The following CHD9 variants were observed in gnomAD, a reference collection of about 807,000 sequenced individuals.
The protein encoded by CHD9 is chromodomain helicase DNA binding protein 9.
Under a neutral mutation model 316.1 loss-of-function variants are expected in CHD9, and 77 were observed. That is an observed-to-expected ratio of 0.24 (90% CI 0.20 to 0.29). The LOEUF (loss-of-function observed/expected upper bound fraction) is 0.29, where lower values mean the gene tolerates loss of function less well. Among genes scored for constraint, CHD9 ranks in the 10% least tolerant of loss-of-function variants. The pLI is 1.00. For synonymous variants in CHD9, 1,129 were observed against 1,158.3 expected, an observed-to-expected ratio of 0.97 and a Z score of 0.51; for missense variants, 2,763 against 3,438.1, an observed-to-expected ratio of 0.80 and a Z score of 4.91.
chr16:53,213,007 C>G (rs1056330657), intron 3 of CHD9, among the ~76,000 whole-genome samples: 4 of 152,184 alleles, frequency 2.6e-5, no homozygotes, highest in African/African-American at 9.6e-5. Context: ...AGCCACACCC[C>G]TTCCTTCAAG....
intron 1 of CHD9, among the ~76,000 whole-genome samples, chr16:53,136,654 G>A (rs1256760857): frequency 2.6e-5 from 4 of 152,044 alleles, no homozygotes; most frequent in Non-Finnish European, 5.9e-5. Flanking sequence ...GAGTTGCCCG[G>A]GGTTTCTAAT....
chr16:53,103,562 G>A (rs1044075009), intron 1 of CHD9, among the ~76,000 whole-genome samples: 39 of 152,262 alleles, frequency 2.6e-4, no homozygotes, highest in African/African-American at 8.9e-4. Context: ...AATAGGGAGC[G>A]TTAACCTCAT....
intron 2 of CHD9, among the ~76,000 whole-genome samples, chr16:53,192,559 A>C: frequency 6.6e-6 from 1 of 152,284 alleles, no homozygotes; most frequent in South Asian, 2.1e-4. Context: ...GTTTTGAAAA[A>C]TGTGCACAGT....
chr16:53,268,835 C>G (rs1313053087), intron 22 of CHD9, among the ~76,000 whole-genome samples: 1 of 152,094 alleles, frequency 6.6e-6, no homozygotes, highest in Non-Finnish European at 1.5e-5. Flanking sequence ...CAGGATTTTG[C>G]TCTGTCCCCC....
intron 17 of CHD9, among the ~76,000 whole-genome samples, chr16:53,250,841 C>A (rs2050070550): frequency 6.6e-6 from 1 of 151,566 alleles, no homozygotes; most frequent in Admixed American, 6.6e-5. Context: ...TAAAACTAGT[C>A]AAGTGTAGTC....
chr16:53,065,738 A>G (rs1253118518), intron 1 of CHD9, among the ~76,000 whole-genome samples: 16 of 151,016 alleles, frequency 1.1e-4, no homozygotes, highest in African/African-American at 3.9e-4. Context: ...AGTTTCCACT[A>G]CTCTGGACAA....
rs755744225 is a variant in CHD9 at position 53,326,897 on chromosome 16, T to A, written c.*2002T>A. On this transcript the variant is annotated 3_prime_UTR_variant, in exon 39 of 39. Transcript: ENST00000447540. ...AAAAAAAAAAAAAGGAAAAAAAATCTGTAGATCTTGTCACTAAAATCTAAT... is the reference window on the plus strand; with the variant it reads ...AAAAAAAAAAAAAGGAAAAAAAATCAGTAGATCTTGTCACTAAAATCTAAT... 4 of 151,930 alleles carry A rather than the reference T, an allele frequency of 2.6e-5. No individual in the cohort carries two copies. Among genetic ancestry groups the A allele is most frequent in the Non-Finnish European group, 5.9e-5 (4 of 67,804 alleles). 9.4% of individuals were successfully genotyped at this position (151,930 alleles called of 1,614,324 possible). A position where few individuals can be genotyped will look rare whatever the true frequency, so the allele number is the denominator to read the frequency against.
chr16:53,231,683 C>T lies in CHD9; in HGVS notation c.2410C>T (p.Pro804Ser). Reference protein sequence around the residue: ...IYYLVKWCSLPYEDSTWELKE... With the variant: ...IYYLVKWCSLSYEDSTWELKE... ...CTACTTAGTAAAATGGTGCTCATTGCCATATGAAGATAGTACTTGGGAACT... is the reference window on the plus strand; with the variant it reads ...CTACTTAGTAAAATGGTGCTCATTGTCATATGAAGATAGTACTTGGGAACT... The change falls in exon 10 of 39, where the codon CCA becomes TCA. Residue 804 changes from proline to serine, a missense_variant. This residue lies in a region of CHD9 where 186 missense variants were observed against 245.0 expected (regional missense o/e 0.76). Transcript: ENST00000447540. 6.2e-7 allele frequency: 1 copy of T among 1,603,818 alleles called. No homozygotes were observed. Among genetic ancestry groups the T allele is most frequent in the South Asian group, 1.1e-5 (1 of 90,202 alleles).
intron 4 of CHD9, among the ~76,000 whole-genome samples, chr16:53,224,045 G>C (rs1377221368): frequency 6.6e-6 from 1 of 152,038 alleles, no homozygotes; most frequent in African/African-American, 2.4e-5. Flanking sequence ...ATACTATTAG[G>C]AATATTATAG....
Position 53,157,398 on chromosome 16 carries a change from G to T in CHD9, c.1309G>T (p.Asp437Tyr), listed in dbSNP as rs373721040. The T allele has an allele frequency of 8.7e-6, 14 of 1,613,838 alleles. No individual in the cohort carries two copies. The highest frequency in any genetic ancestry group is 1.1e-5 in the Non-Finnish European group (13 of 1,179,876). The change falls in exon 2 of 39, where the codon GAT (aspartate) becomes TAT (tyrosine). Residue 437 changes from aspartate to tyrosine, a missense_variant. Transcript: ENST00000447540. ...AAGTCACATTTTAGATCATGACCTT[G>T]ATCGGCAGTTTACTTCGCATCTGGT... The part of the protein sequence containing the change: ...NSSHILDHDL[D>Y]RQFTSHLVTR...
chr16:53,125,647 TA>T lies in CHD9; in HGVS notation c.-164-30277del, dbSNP rs2038940180. Among the ~76,000 whole-genome samples, 7 of 152,334 alleles carry T rather than the reference TA, an allele frequency of 4.6e-5. No individual in the cohort carries two copies. In the South Asian group the frequency reaches 1.4e-3, roughly 32 times the overall value. ...TCCCAGGCTAGAGATATATAGTAGA[TA>T]ATCTCTCATGATGGCTTAGCTTTCA... On this transcript the variant is annotated intron_variant, in intron 1 of 38. Coordinates refer to ENST00000447540, the MANE Select transcript of CHD9 (RefSeq NM_001308319.2).
chr16:53,219,099 C>T (rs1223618300), intron 3 of CHD9, among the ~76,000 whole-genome samples: 1 of 152,062 alleles, frequency 6.6e-6, no homozygotes, highest in African/African-American at 2.4e-5. Flanking sequence ...AAGCTGGCTA[C>T]ACAGATATTT....
chr16:53,323,960 C>A (rs2057428498), intron 38 of CHD9, 60 bp from the exon 39 acceptor site: 3 of 1,352,946 alleles, frequency 2.2e-6, no homozygotes, highest in East Asian at 2.3e-5. Flanking sequence ...GTATGATAAG[C>A]TAATAACTCT....
At chr16:53,320,577 G>A (rs2057208831) in intron 37 of CHD9, among the ~76,000 whole-genome samples, 1 of 152,058 alleles carries the variant, frequency 6.6e-6, no homozygotes, top group Non-Finnish European at 1.5e-5. Context: ...AACCTTATCT[G>A]TATCCTATCA....
At chr16:53,220,464 G>A (rs1413328765) in intron 3 of CHD9, among the ~76,000 whole-genome samples, 3 of 152,032 alleles carry the variant, frequency 2.0e-5, no homozygotes, top group African/African-American at 7.2e-5. Flanking sequence ...CATTCCCACA[G>A]CCCTAGATTA....
intron 8 of CHD9, among the ~76,000 whole-genome samples, chr16:53,229,966 G>GT: frequency 6.6e-6 from 1 of 152,182 alleles, no homozygotes; most frequent in Non-Finnish European, 1.5e-5. Flanking sequence ...GTATGTGTGT[G>GT]TGTGTGTTTA....
intron 3 of CHD9, among the ~76,000 whole-genome samples, chr16:53,214,265 G>C (rs2046563960): frequency 6.6e-6 from 1 of 152,010 alleles, no homozygotes; most frequent in Non-Finnish European, 1.5e-5. Flanking sequence ...GGAAAAATAA[G>C]ATGAACAAAA....
chr16:53,288,025 G>A lies in CHD9; in HGVS notation c.5247+11G>A, dbSNP rs755890710. 2 of 1,593,172 alleles carry A rather than the reference G, an allele frequency of 1.3e-6. No individual in the cohort carries two copies. Among genetic ancestry groups the A allele is most frequent in the South Asian group, 2.2e-5 (2 of 90,346 alleles). On this transcript the variant is annotated intron_variant, in intron 27 of 38. Transcript: ENST00000447540. ...AAAGATGATATAGAGGTATGCATTG[G>A]ATCATATTTTTAAATCCTCAATTTT...
intron 2 of CHD9, among the ~76,000 whole-genome samples, chr16:53,162,875 C>T (rs982828261): frequency 1.3e-5 from 2 of 150,552 alleles, no homozygotes; most frequent in Admixed American, 6.6e-5. Flanking sequence ...GCCTCCATCT[C>T]CTGGACTCAA....
Sources: allele counts gnomAD v4.1 joint callset (sites outside exome capture counted in the v4.1 genomes callset), GRCh38; gene constraint gnomAD v4.1.1; regional missense constraint gnomAD v4.1.1; transcripts MANE v1.5; gene names NCBI Gene and HGNC (gene_info 2026-07-23, HGNC 2026-07-21).